Variants in TYW1B observed in about 807,000 individuals in gnomAD.
TYW1B encodes the protein tRNA-yW synthesizing protein 1 homolog B, also known as S-adenosyl-L-methionine-dependent tRNA 4-demethylwyosine synthase TYW1B.
Under a neutral mutation model 86.9 loss-of-function variants are expected in TYW1B, and 73 were observed. That is an observed-to-expected ratio of 0.84 (90% CI 0.70 to 1.02). The LOEUF (loss-of-function observed/expected upper bound fraction) is 1.02, where lower values mean the gene tolerates loss of function less well. Among genes scored for constraint, TYW1B ranks in the 50% least tolerant of loss-of-function variants. The pLI is 0.00. For missense variants in TYW1B, 637 were observed against 827.4 expected, an observed-to-expected ratio of 0.77 and a Z score of 2.82; for synonymous variants, 248 against 292.8, an observed-to-expected ratio of 0.85 and a Z score of 1.56.
chr7:72,806,067 C>T (rs1304305420), intron 5 of TYW1B, among the ~76,000 whole-genome samples: 1 of 151,894 alleles, frequency 6.6e-6, no homozygotes, highest in African/African-American at 2.4e-5. Context: ...CTAATGGAGT[C>T]ATTGAAGTCA....
intron 9 of TYW1B, among the ~76,000 whole-genome samples, chr7:72,718,108 T>C (rs1285678383): frequency 6.6e-6 from 1 of 151,938 alleles, no homozygotes; most frequent in Non-Finnish European, 1.5e-5. Context: ...ATAAAGAAAA[T>C]ATGGTACATA....
intron 12 of TYW1B, among the ~76,000 whole-genome samples, chr7:72,626,514 C>T (rs1372834817): frequency 6.6e-6 from 1 of 152,094 alleles, no homozygotes; most frequent in African/African-American, 2.4e-5. Context: ...AAAGATATCT[C>T]AAATTTAATG....
chr7:72,711,236 C>A (rs111700868), intron 10 of TYW1B, among the ~76,000 whole-genome samples: 6 of 150,932 alleles, frequency 4.0e-5, no homozygotes, highest in African/African-American at 1.5e-4. Flanking sequence ...ATGCCTGCCG[C>A]GCAGAAAGAT....
intron 13 of TYW1B, among the ~76,000 whole-genome samples, chr7:72,609,644 T>C (rs1811888334): frequency 6.6e-6 from 1 of 151,804 alleles, no homozygotes; most frequent in Non-Finnish European, 1.5e-5. Context: ...GATTTGGACC[T>C]CTCTGGTTTC....
intron 13 of TYW1B, among the ~76,000 whole-genome samples, chr7:72,606,266 C>T (rs1479834301): frequency 6.6e-6 from 1 of 152,070 alleles, no homozygotes; most frequent in African/African-American, 2.4e-5. Context: ...CCTAGGAAGA[C>T]AGAAAACTTT....
intron 11 of TYW1B, among the ~76,000 whole-genome samples, chr7:72,687,314 A>G (rs2186389): frequency 6.6e-6 from 1 of 152,186 alleles, no homozygotes; most frequent in Non-Finnish European, 1.5e-5. Flanking sequence ...GCATGCCTGT[A>G]ATTCCAGCTA....
intron 3 of TYW1B, among the ~76,000 whole-genome samples, chr7:72,813,094 T>TGCCCA (rs1788652394): frequency 6.6e-6 from 1 of 151,936 alleles, no homozygotes; most frequent in Non-Finnish European, 1.5e-5. Flanking sequence ...ACTGAGTAGC[T>TGCCCA]GCCCAGCCCA....
At chr7:72,786,573 C>CTTT (rs10630508) in intron 6 of TYW1B, among the ~76,000 whole-genome samples, 1 of 107,456 alleles carries the variant, frequency 9.3e-6, no homozygotes. Flanking sequence ...ATTCTTTTTT[C>CTTT]TTTTTTTTTT....
intron 11 of TYW1B, among the ~76,000 whole-genome samples, chr7:72,685,733 G>C (rs1813993670): frequency 1.3e-5 from 2 of 152,156 alleles, no homozygotes; most frequent in South Asian, 4.1e-4. Flanking sequence ...AGAAAGTCTA[G>C]ATGACCCTGG....
intron 13 of TYW1B, among the ~76,000 whole-genome samples, chr7:72,602,833 A>AACACAC (rs55709140): frequency 0.039 from 4,998 of 127,722 alleles, 100 homozygotes; most frequent in East Asian, 0.11. Flanking sequence ...AAGTGCTCAA[A>AACACAC]ACACACACAC....
intron 6 of TYW1B, among the ~76,000 whole-genome samples, chr7:72,786,926 C>G (rs1295063641): frequency 1.3e-5 from 2 of 151,868 alleles, no homozygotes; most frequent in Non-Finnish European, 2.9e-5. Context: ...AAAAATCTCT[C>G]AATCAGCTAT....
At chr7:72,744,978 C>G (rs1211062822) in intron 7 of TYW1B, among the ~76,000 whole-genome samples, 1 of 152,204 alleles carries the variant, frequency 6.6e-6, no homozygotes, top group Admixed American at 6.5e-5. Flanking sequence ...TATCCCTGCT[C>G]TGAGTAAAGA....
intron 3 of TYW1B, among the ~76,000 whole-genome samples, chr7:72,812,870 TTAA>T (rs1333969897): frequency 1.3e-5 from 2 of 151,904 alleles, no homozygotes; most frequent in Admixed American, 1.3e-4. Context: ...TTTTCTATTT[TTAA>T]TAGAGACAGG....
chr7:72,781,471 C>T (rs368227625), intron 6 of TYW1B, among the ~76,000 whole-genome samples: 10 of 152,238 alleles, frequency 6.6e-5, no homozygotes, highest in African/African-American at 2.4e-4. Flanking sequence ...CAGCCTCCAG[C>T]TCAGGGAGAC....
At chr7:72,788,645 G>C (rs563635536) in intron 6 of TYW1B, among the ~76,000 whole-genome samples, 26 of 151,926 alleles carry the variant, frequency 1.7e-4, no homozygotes, top group African/African-American at 6.0e-4. Context: ...CGATTCTCCT[G>C]TCTCAACCTC....
rs188106554 is a variant in TYW1B at position 72,817,814 on chromosome 7, T to A, written c.136-2333A>T. ...ATTTGGTAACACCCCCAGGTACCCT[T>A]TGGAGGCTTCCAATTGGTTACACCC... On this transcript the variant is annotated intron_variant, in intron 2 of 13. Transcript: ENST00000620995. 2.8e-4 allele frequency among the ~76,000 whole-genome samples: 42 copies of A among 152,226 alleles called. No individual in the cohort carries two copies. In the East Asian group the frequency reaches 7.9e-3, roughly 29 times the overall value.
chr7:72,607,500 G>A (rs1811831747), intron 13 of TYW1B, among the ~76,000 whole-genome samples: 2 of 150,090 alleles, frequency 1.3e-5, no homozygotes, highest in East Asian at 3.9e-4. Flanking sequence ...GAGGGAGGAA[G>A]GAAGGAAGGA....
intron 7 of TYW1B, among the ~76,000 whole-genome samples, chr7:72,776,091 G>A (rs782580903): frequency 6.6e-6 from 1 of 152,046 alleles, no homozygotes; most frequent in Non-Finnish European, 1.5e-5. Context: ...AGGCTACAGC[G>A]AGCCATGATC....
intron 11 of TYW1B, among the ~76,000 whole-genome samples, chr7:72,673,825 T>C (rs1185367306): frequency 6.6e-6 from 1 of 152,196 alleles, no homozygotes; most frequent in African/African-American, 2.4e-5. Context: ...CACGTAATTA[T>C]TACATATTAT....
Sources: allele counts gnomAD v4.1 joint callset (sites outside exome capture counted in the v4.1 genomes callset), GRCh38; gene constraint gnomAD v4.1.1; transcripts MANE v1.5; gene names NCBI Gene and HGNC (gene_info 2026-07-23, HGNC 2026-07-21).